RAB1A: variants seen among roughly 807,000 people sequenced by gnomAD.
RAB1A encodes RAB1A, member RAS oncogene family.
RAB1A carries 2 observed loss-of-function variants against 26.0 expected under a neutral mutation model. The ratio of observed to expected loss-of-function variants is 0.08; its 90% confidence interval spans 0.03 to 0.24. The LOEUF is 0.24. RAB1A is among the 10% of genes least tolerant of loss of function. The pLI, the probability that RAB1A is intolerant of heterozygous loss-of-function variation, is 1.00. For missense variants in RAB1A, 100 were observed against 247.0 expected, an observed-to-expected ratio of 0.40 and a Z score of 3.99; for synonymous variants, 84 against 84.9, an observed-to-expected ratio of 0.99 and a Z score of 0.06.
intron 3 of RAB1A, among the ~76,000 whole-genome samples, chr2:65,092,054 T>A (rs1352536080): frequency 6.6e-6 from 1 of 152,066 alleles, no homozygotes; most frequent in Non-Finnish European, 1.5e-5. Context: ...ACGGGCGGAT[T>A]ACGAGCTCAG....
rs557615820 is a variant in RAB1A at position 65,100,331 on chromosome 2, G to A, written c.97-2265C>T. Reference sequence around the variant, plus strand: ...AAGGAGAATCACTTGAACCCGGGAGGTGAAGGTTGCAGTGAGCCGAGACTG... The same window carrying A: ...AAGGAGAATCACTTGAACCCGGGAGATGAAGGTTGCAGTGAGCCGAGACTG... On this transcript the variant is annotated intron_variant, in intron 2 of 5. Coordinates refer to ENST00000409784, the MANE Select transcript of RAB1A (RefSeq NM_004161.5). Among the ~76,000 whole-genome samples the A allele has an allele frequency of 1.3e-3, 188 of 148,442 alleles. 1 individual carries two copies. The highest frequency in any genetic ancestry group is 0.012 in the Admixed American group (178 of 14,708).
intron 1 of RAB1A, among the ~76,000 whole-genome samples, chr2:65,112,671 A>C (rs1318461253): frequency 6.6e-6 from 1 of 152,240 alleles, no homozygotes; most frequent in Non-Finnish European, 1.5e-5. Flanking sequence ...AGTTAAGGTA[A>C]GAATGGCATA....
At chr2:65,124,703 T>G (rs1460358167) in intron 1 of RAB1A, among the ~76,000 whole-genome samples, 2 of 152,180 alleles carry the variant, frequency 1.3e-5, no homozygotes, top group African/African-American at 2.4e-5. Context: ...CGCCTGGGCC[T>G]CCCAAAGTGC....
At chr2:65,104,883 G>T in intron 1 of RAB1A, 77 bp from the exon 2 acceptor site, 2 of 1,182,420 alleles carry the variant, frequency 1.7e-6, no homozygotes, top group Non-Finnish European at 2.5e-6. Context: ...CAAAAACACA[G>T]CTACAAATAA....
intron 3 of RAB1A, among the ~76,000 whole-genome samples, chr2:65,095,953 A>G (rs1669273062): frequency 6.6e-6 from 1 of 152,132 alleles, no homozygotes; most frequent in East Asian, 1.9e-4. Flanking sequence ...GGAGTTCGAG[A>G]CCAGCCTAAC....
At chr2:65,090,851 G>C (rs1337284907) in intron 4 of RAB1A, 132 bp downstream of exon 4, 1 of 476,888 alleles carries the variant, frequency 2.1e-6, no homozygotes, top group African/African-American at 2.0e-5. Flanking sequence ...ATTTATATTT[G>C]AGAGTGGACA....
rs115967552 is a variant in RAB1A at position 65,096,847 on chromosome 2, A to G, written c.192+1124T>C. 3.5e-3 allele frequency among the ~76,000 whole-genome samples: 528 copies of G among 152,362 alleles called. 4 individuals are homozygous for G. The highest frequency in any genetic ancestry group is 0.012 in the African/African-American group (514 of 41,572). On this transcript the variant is annotated intron_variant, in intron 3 of 5. Coordinates refer to ENST00000409784, the MANE Select transcript of RAB1A (RefSeq NM_004161.5). ...CCCATTTATCTGGGCATGTCATATC[A>G]TAAGTAGTATCTATATGCTGCCCAA...
chr2:65,127,618 C>T (rs995406532), intron 1 of RAB1A, among the ~76,000 whole-genome samples: 1 of 152,122 alleles, frequency 6.6e-6, no homozygotes, highest in Non-Finnish European at 1.5e-5. Flanking sequence ...CCCAACTTCT[C>T]GGGAATCTGA....
intron 2 of RAB1A, among the ~76,000 whole-genome samples, chr2:65,098,875 G>C (rs1669352684): frequency 8.6e-6 from 1 of 115,804 alleles, no homozygotes; most frequent in East Asian, 2.4e-4. Flanking sequence ...TTGCTCTGTT[G>C]CCCATGCTGG....
intron 2 of RAB1A, among the ~76,000 whole-genome samples, chr2:65,099,484 C>T (rs1282065201): frequency 6.6e-6 from 1 of 152,182 alleles, no homozygotes; most frequent in Non-Finnish European, 1.5e-5. Context: ...GGACCTTAAT[C>T]GAATCAGGTC....
intron 1 of RAB1A, among the ~76,000 whole-genome samples, chr2:65,107,254 C>T (rs564977432): frequency 2.0e-5 from 3 of 151,548 alleles, no homozygotes; most frequent in African/African-American, 4.9e-5. Context: ...CTAGTAAAGA[C>T]GGGAGTTTCA....
intron 3 of RAB1A, among the ~76,000 whole-genome samples, chr2:65,091,514 CA>C (rs1157791690): frequency 6.6e-6 from 1 of 152,124 alleles, no homozygotes; most frequent in Non-Finnish European, 1.5e-5. Flanking sequence ...GAACTTTAAT[CA>C]TCCCAAGCAG....
At chr2:65,113,527 A>C (rs909960833) in intron 1 of RAB1A, among the ~76,000 whole-genome samples, 1 of 152,196 alleles carries the variant, frequency 6.6e-6, no homozygotes, top group African/African-American at 2.4e-5. Context: ...TAAATAAAAT[A>C]AAAAATATAA....
chr2:65,104,894 C>T, intron 1 of RAB1A, 88 bp from the exon 2 acceptor site: 1 of 1,086,648 alleles, frequency 9.2e-7, no homozygotes, highest in Non-Finnish European at 1.4e-6. Flanking sequence ...CTACAAATAA[C>T]AACTCACTGT....
intron 1 of RAB1A, among the ~76,000 whole-genome samples, chr2:65,114,538 T>C (rs1237401046): frequency 6.6e-6 from 1 of 152,094 alleles, no homozygotes; most frequent in East Asian, 1.9e-4. Context: ...AGATACTTAA[T>C]CCCCAATACA....
At chr2:65,091,265 A>T (rs1165116295) in intron 3 of RAB1A, among the ~76,000 whole-genome samples, 187 bp from the exon 4 acceptor site, 1 of 152,232 alleles carries the variant, frequency 6.6e-6, no homozygotes, top group Non-Finnish European at 1.5e-5. Context: ...TCCAGAAAAG[A>T]AGTAGTACCT....
chr2:65,126,858 A>C (rs1308132260), intron 1 of RAB1A, among the ~76,000 whole-genome samples: 1 of 152,190 alleles, frequency 6.6e-6, no homozygotes, highest in Admixed American at 6.5e-5. Flanking sequence ...TTATTTTCCA[A>C]ATTTTCTCTA....
At chr2:65,127,742 T>C (rs1670131898) in intron 1 of RAB1A, among the ~76,000 whole-genome samples, 1 of 150,454 alleles carries the variant, frequency 6.6e-6, no homozygotes, top group Non-Finnish European at 1.5e-5. Context: ...CAATAAATAA[T>C]TTTTTTTTTG....
chr2:65,109,041 T>C (rs1318503630), intron 1 of RAB1A, among the ~76,000 whole-genome samples: 4 of 152,188 alleles, frequency 2.6e-5, no homozygotes, highest in Non-Finnish European at 2.9e-5. Context: ...CACACTTGAA[T>C]AGCGTGATCA....
Sources: gnomAD v4.1 joint callset for allele counts (sites outside exome capture counted in the v4.1 genomes callset) on GRCh38, gnomAD v4.1.1 for gene constraint, MANE v1.5 for transcripts, NCBI Gene and HGNC (gene_info 2026-07-23, HGNC 2026-07-21) for gene names.